MGST1: variants seen among roughly 807,000 people sequenced by gnomAD.
MGST1 encodes the protein glutathione S-transferase 12.
MGST1 carries 5 observed loss-of-function variants against 8.9 expected under a neutral mutation model. The observed-to-expected ratio is 0.56, with a 90% CI of 0.29 to 1.19. The LOEUF is 1.19. Ranked by LOEUF, MGST1 falls within the 50% of genes most tolerant of loss-of-function variation. MGST1 has a pLI of 0.08. For missense variants in MGST1, 182 were observed against 187.4 expected (o/e 0.97, Z 0.17); for synonymous variants, 54 against 67.8 (o/e 0.80, Z 1.00).
At chr12:16,460,104 G>A (rs1361883650) in intron 4 of MGST1, among the ~76,000 whole-genome samples, 2 of 152,080 alleles carry the variant, frequency 1.3e-5, no homozygotes, top group Non-Finnish European at 2.9e-5. Context: ...AGTCCATGTA[G>A]GAAATTTAGT....
intron 4 of MGST1, among the ~76,000 whole-genome samples, chr12:16,466,160 C>T (rs1941253891): frequency 1.3e-5 from 2 of 152,096 alleles, no homozygotes; most frequent in African/African-American, 2.4e-5. Flanking sequence ...TTTTTAGAGA[C>T]ACGTCATTTC....
Position 16,355,228 on chromosome 12 carries a change from A to G in MGST1, c.126+850A>G, listed in dbSNP as rs9332904. On this transcript the variant is annotated intron_variant, in intron 2 of 3. Transcript: ENST00000396210. ...ACTTTTTTTTTTTTTTTTTTTTGTG[A>G]GATGGAGTCTCACTCTGTTGCCCAG... 2.2e-3 allele frequency among the ~76,000 whole-genome samples: 269 copies of G among 125,080 alleles called. 3 individuals carry two copies. In the East Asian group the frequency reaches 0.036, roughly 17 times the overall value. The allele number at this position is 125,080 out of a possible 152,430, so 82.1% of individuals were successfully genotyped here.
At chr12:16,571,041 A>G (rs1273718843) in intron 4 of MGST1, among the ~76,000 whole-genome samples, 1 of 152,132 alleles carries the variant, frequency 6.6e-6, no homozygotes, top group Non-Finnish European at 1.5e-5. Context: ...AATAATAATA[A>G]ATTTTAAAAA....
chr12:16,401,216 G>A lies in MGST1; in HGVS notation n.778+17612G>A, dbSNP rs1006963891. Reference sequence around the variant, plus strand: ...TCATCCATAAGCACTGTGTCACTAAGGAACAGGGCATAGGTTTTCTCTTCT... The same window carrying A: ...TCATCCATAAGCACTGTGTCACTAAAGAACAGGGCATAGGTTTTCTCTTCT... On this transcript the variant is annotated intron_variant and non_coding_transcript_variant, in intron 1 of 1. Transcript: ENST00000359720. This position sits in a 1 kb window ranked among gnomAD's most constrained non-coding sequence, Gnocchi z 4.3. 1 of 1,567,084 alleles carries A rather than the reference G, an allele frequency of 6.4e-7. No homozygotes were observed. Among genetic ancestry groups the A allele is most frequent in the Non-Finnish European group, 8.8e-7 (1 of 1,139,598 alleles).
chr12:16,587,138 A>G lies in MGST1; in HGVS notation n.483-2390A>G, dbSNP rs1943346378. 6.6e-6 allele frequency among the ~76,000 whole-genome samples: 1 copy of G among 152,188 alleles called. No individual in the cohort carries two copies. Among genetic ancestry groups the G allele is most frequent in the South Asian group, 2.1e-4 (1 of 4,826 alleles). Reference sequence around the variant, plus strand: ...ACTTGGACAATGGCTTACATTTTAAATTATAGCAATTGTGGGTGCTGCTGA... The same window carrying G: ...ACTTGGACAATGGCTTACATTTTAAGTTATAGCAATTGTGGGTGCTGCTGA... On this transcript the variant is annotated intron_variant and non_coding_transcript_variant, in intron 4 of 4. Coordinates refer to the MGST1 transcript ENST00000538857. This position sits in a 1 kb window ranked among gnomAD's most constrained non-coding sequence, Gnocchi z 4.3.
At chr12:16,366,468 C>T (rs889937981), downstream of MGST1, among the ~76,000 whole-genome samples, 2 of 152,074 alleles carry the variant, frequency 1.3e-5, no homozygotes, top group South Asian at 2.1e-4. The surrounding 1 kb of genome is among the most constrained non-coding windows in gnomAD (Gnocchi z 4.0). Context: ...AGTCTGTGTG[C>T]TAAGTGACTT....
Position 16,354,368 on chromosome 12 carries a change from T to A in MGST1, c.116T>A (p.Leu39Ter). 6.3e-7 allele frequency: 1 copy of A among 1,592,856 alleles called. No individual in the cohort carries two copies. Among genetic ancestry groups the A allele is most frequent in the Non-Finnish European group, 8.5e-7 (1 of 1,174,608 alleles). ...LMSTATAFYR[L>*]TRKVFANPED... ...AGTACTGCAACTGCATTCTATAGAT[T>A]GACAAGAAAGGTAAGAAATTTGGAG... The change falls in exon 2 of 4, where the codon TTG (leucine) becomes TAG (stop). Residue 39 changes from leucine to a stop codon, truncating the protein, a stop_gained. Coordinates refer to ENST00000396210, the MANE Select transcript of MGST1 (RefSeq NM_020300.5). LOFTEE classifies it high-confidence loss of function.
intron 1 of MGST1, among the ~76,000 whole-genome samples, chr12:16,414,710 C>T (rs967562616): frequency 7.9e-5 from 12 of 152,224 alleles, no homozygotes; most frequent in East Asian, 3.9e-4. Flanking sequence ...CCACCGCGCC[C>T]GGCCAAGGTG....
chr12:16,416,648 C>G (rs1051125499), intron 1 of MGST1, among the ~76,000 whole-genome samples: 9 of 152,132 alleles, frequency 5.9e-5, no homozygotes, highest in Non-Finnish European at 1.3e-4. Flanking sequence ...AAGGCCCCAT[C>G]TCCAAATACC....
At chr12:16,428,866 T>C (rs1044572017) in intron 1 of MGST1, among the ~76,000 whole-genome samples, 7 of 152,094 alleles carry the variant, frequency 4.6e-5, no homozygotes, top group Non-Finnish European at 8.8e-5. Flanking sequence ...ATTTATTTTC[T>C]AGTGATTTCT....
intron 4 of MGST1, among the ~76,000 whole-genome samples, chr12:16,460,207 T>C (rs1276789898): frequency 6.6e-6 from 1 of 152,134 alleles, no homozygotes; most frequent in African/African-American, 2.4e-5. Context: ...TGGTGTCTTA[T>C]TAACAGTGTG....
At chr12:16,505,136 C>T (rs1016441314) in intron 4 of MGST1, among the ~76,000 whole-genome samples, 5 of 152,132 alleles carry the variant, frequency 3.3e-5, no homozygotes, top group Non-Finnish European at 7.3e-5. Flanking sequence ...AGAGGGCAAT[C>T]TCAACTATTT....
chr12:16,489,294 A>C (rs906632059), intron 4 of MGST1, among the ~76,000 whole-genome samples: 9 of 151,996 alleles, frequency 5.9e-5, no homozygotes, highest in African/African-American at 9.7e-5. Flanking sequence ...TTCTGTTTTA[A>C]GATCTCTAGT....
chr12:16,531,682 AG>A (rs770124298), intron 4 of MGST1, among the ~76,000 whole-genome samples: 101 of 152,252 alleles, frequency 6.6e-4, no homozygotes, highest in Non-Finnish European at 3.8e-4. Context: ...ATGTCCAGCA[AG>A]ACCTTGCACT....
intron 1 of MGST1, among the ~76,000 whole-genome samples, chr12:16,350,299 T>G (rs1939403531): frequency 6.6e-6 from 1 of 152,084 alleles, no homozygotes; most frequent in African/African-American, 2.4e-5. Context: ...GCAAGAGAGG[T>G]TGAGATACTT....
chr12:16,558,926 G>A (rs1942291192), intron 4 of MGST1, among the ~76,000 whole-genome samples: 1 of 152,078 alleles, frequency 6.6e-6, no homozygotes, highest in Admixed American at 6.5e-5. Context: ...TTATGGGTGT[G>A]GGAATCAAAT....
chr12:16,414,601 G>T (rs1940770174), intron 1 of MGST1, among the ~76,000 whole-genome samples: 1 of 151,534 alleles, frequency 6.6e-6, no homozygotes, highest in Non-Finnish European at 1.5e-5. Context: ...ATTTTTAGTA[G>T]AGACGGGGTT....
chr12:16,481,675 A>C (rs928991749), intron 4 of MGST1, among the ~76,000 whole-genome samples: 2 of 152,220 alleles, frequency 1.3e-5, no homozygotes, highest in African/African-American at 4.8e-5. Flanking sequence ...TAGACGGTAG[A>C]TCTAAAGAAC....
intron 4 of MGST1, among the ~76,000 whole-genome samples, chr12:16,534,650 C>T (rs1432747109): frequency 1.3e-5 from 2 of 152,076 alleles, no homozygotes; most frequent in Admixed American, 6.6e-5. Context: ...AATAGACTTG[C>T]AGGACAATAA....
Sources: allele counts gnomAD v4.1 joint callset (sites outside exome capture counted in the v4.1 genomes callset), GRCh38; gene constraint gnomAD v4.1.1; non-coding constraint Gnocchi (gnomAD v3.1); transcripts MANE v1.5; gene names NCBI Gene and HGNC (gene_info 2026-07-23, HGNC 2026-07-21).